Variants in AURKA observed in about 807,000 individuals in gnomAD.
AURKA encodes aurora kinase A.
Under a neutral mutation model 40.9 loss-of-function variants are expected in AURKA, and 12 were observed. That is an observed-to-expected ratio of 0.29 (90% confidence interval 0.19 to 0.48). The LOEUF (loss-of-function observed/expected upper bound fraction) is 0.48. AURKA is among the 20% of genes least tolerant of loss of function. The pLI is 0.99. For missense variants in AURKA, 322 were observed against 462.1 expected (o/e 0.70, Z 2.78); for synonymous variants, 170 against 164.3 (o/e 1.03, Z -0.26).
intron 8 of AURKA, 60 bp from the exon 9 acceptor site, chr20:56,370,400 A>G (rs2146123198): frequency 1.2e-6 from 2 of 1,613,648 alleles, no homozygotes; most frequent in Non-Finnish European, 1.7e-6. Context: ...CAAATAGTAT[A>G]GATGTTCGGA....
At chr20:56,379,347 G>A (rs1369220216) in intron 6 of AURKA, among the ~76,000 whole-genome samples, 1 of 152,192 alleles carries the variant, frequency 6.6e-6, no homozygotes, top group Non-Finnish European at 1.5e-5. Context: ...GAGTTTACAG[G>A]TAAACAGGAG....
intron 6 of AURKA, among the ~76,000 whole-genome samples, chr20:56,378,075 G>A (rs1985164339): frequency 6.6e-6 from 1 of 152,158 alleles, no homozygotes; most frequent in African/African-American, 2.4e-5. Context: ...GCTGAGATGG[G>A]AGGATTGCTT....
intron 6 of AURKA, among the ~76,000 whole-genome samples, chr20:56,376,687 A>C (rs1366785659): frequency 6.6e-6 from 1 of 152,256 alleles, no homozygotes; most frequent in Admixed American, 6.5e-5. Flanking sequence ...AAGACTCTTC[A>C]ACTTCTTAAA....
intron 6 of AURKA, among the ~76,000 whole-genome samples, chr20:56,377,613 C>T (rs963372706): frequency 3.9e-5 from 6 of 152,066 alleles, no homozygotes; most frequent in Admixed American, 3.3e-4. Context: ...ATGGCGAAAC[C>T]CCATCTCTAC....
intron 6 of AURKA, among the ~76,000 whole-genome samples, chr20:56,374,380 T>G (rs1984656578): frequency 1.3e-5 from 2 of 152,212 alleles, no homozygotes; most frequent in African/African-American, 4.8e-5. Context: ...TCAATTCCCT[T>G]TTTTAAAACC....
rs186462804 is a variant in AURKA at position 56,379,087 on chromosome 20, T to G, written c.705+2346A>C. On this transcript the variant is annotated intron_variant, in intron 6 of 8. Coordinates refer to ENST00000395915, the MANE Select transcript of AURKA (RefSeq NM_198437.3). ...GCAGATTGTGACAAAAAAATCTCAT[T>G]GCATTACAAATGTAGGAAACCACCT... Among the ~76,000 whole-genome samples, 5 of 152,314 alleles carry G rather than the reference T, an allele frequency of 3.3e-5. 1 individual carries two copies. The highest frequency in any genetic ancestry group is 1.2e-4 in the African/African-American group (5 of 41,572).
Position 56,373,362 on chromosome 20 carries a change from C to T in AURKA, c.854+46G>A. On this transcript the variant is annotated intron_variant, in intron 7 of 8. Coordinates refer to ENST00000395915, the MANE Select transcript of AURKA (RefSeq NM_198437.3). The surrounding 1 kb of genome is among the most constrained non-coding windows in gnomAD (Gnocchi z 5.0). ...TTACATTTAGCTCACGGTTAGCTCC[C>T]AGGGCTTTGGTAAACCAAACAACTT... 1 of 1,612,244 alleles carries T rather than the reference C, an allele frequency of 6.2e-7. No individual in the cohort carries two copies. Among genetic ancestry groups the T allele is most frequent in the Non-Finnish European group, 8.5e-7 (1 of 1,179,884 alleles).
rs1435168993 is a variant in AURKA at position 56,373,069 on chromosome 20, G to C, written c.854+339C>G. On this transcript the variant is annotated intron_variant, in intron 7 of 8. Transcript: ENST00000395915. The surrounding 1 kb of genome is among the most constrained non-coding windows in gnomAD (Gnocchi z 5.0). Reference sequence around the variant, plus strand: ...CCATCTCCTCATCCAGGAAGCAGCAGAGGTGAAGAGTTCCTCCCACTCAAC... The same window carrying C: ...CCATCTCCTCATCCAGGAAGCAGCACAGGTGAAGAGTTCCTCCCACTCAAC... Among the ~76,000 whole-genome samples the C allele has an allele frequency of 6.6e-6, 1 of 152,208 alleles. No homozygotes were observed. The highest frequency in any genetic ancestry group is 1.9e-4 in the East Asian group (1 of 5,200).
chr20:56,386,915 ATACGTT>A (rs1419215038), intron 2 of AURKA, among the ~76,000 whole-genome samples: 3 of 149,614 alleles, frequency 2.0e-5, no homozygotes, highest in Non-Finnish European at 4.4e-5. Flanking sequence ...CTTTGATAAT[ATACGTT>A]TAAGAAAAAG....
At chr20:56,377,423 CAA>C (rs747877845) in intron 6 of AURKA, among the ~76,000 whole-genome samples, 2 of 144,288 alleles carry the variant, frequency 1.4e-5, no homozygotes, top group African/African-American at 2.5e-5. Flanking sequence ...ACTCAAAACT[CAA>C]AAAAAAAAAG....
At chr20:56,382,692 C>T (rs1191239319) in intron 5 of AURKA, among the ~76,000 whole-genome samples, 1 of 150,810 alleles carries the variant, frequency 6.6e-6, no homozygotes, top group Non-Finnish European at 1.5e-5. Flanking sequence ...CTATGAAAAG[C>T]AGGCCCTCTA....
rs140575812 is a variant in AURKA, at chr20:56,376,950, C to T, written c.706-3394G>A. ...CAAAAATTAGCTGGGCGTGGTGGCT[C>T]ATGCCTGTAATCCCAGCTACTCAGG... On this transcript the variant is annotated intron_variant, in intron 6 of 8. Coordinates refer to ENST00000395915, the MANE Select transcript of AURKA (RefSeq NM_198437.3). Among the ~76,000 whole-genome samples the T allele has an allele frequency of 4.5e-3, 692 of 152,152 alleles. 7 individuals are homozygous for T. Among genetic ancestry groups the T allele is most frequent in the African/African-American group, 0.015 (642 of 41,492 alleles).
intron 5 of AURKA, 132 bp from the exon 6 acceptor site, chr20:56,381,703 A>C (rs542222428): frequency 9.1e-7 from 1 of 1,103,790 alleles, no homozygotes; most frequent in South Asian, 1.4e-5. Context: ...CCCACTTTAG[A>C]ATCTGAAACT....
chr20:56,383,689 C>A (rs535994331), intron 4 of AURKA, among the ~76,000 whole-genome samples: 109 of 152,302 alleles, frequency 7.2e-4, no homozygotes, highest in African/African-American at 2.5e-3. Flanking sequence ...GGCATGAGAA[C>A]CAGTGGATTT....
chr20:56,391,114 A>G (rs748485782), intron 1 of AURKA, among the ~76,000 whole-genome samples: 7 of 152,230 alleles, frequency 4.6e-5, no homozygotes, highest in Non-Finnish European at 1.0e-4. Context: ...GGATCCATTC[A>G]GTTCAAACCA....
intron 1 of AURKA, chr20:56,388,606 G>A (rs370732732): frequency 4.5e-6 from 1 of 222,364 alleles, no homozygotes; most frequent in South Asian, 8.8e-5. Flanking sequence ...GAGGTCAAGA[G>A]TTCGAGACCA....
intron 1 of AURKA, among the ~76,000 whole-genome samples, chr20:56,390,985 T>C (rs891923616): frequency 1.2e-4 from 19 of 152,064 alleles, no homozygotes; most frequent in African/African-American, 4.6e-4. Context: ...CTAGGGAAAT[T>C]GAATAACAAG....
chr20:56,388,312 C>T (rs976776668), intron 1 of AURKA, 110 bp from the exon 2 acceptor site: 32 of 947,650 alleles, frequency 3.4e-5, no homozygotes, highest in African/African-American at 1.5e-4. Flanking sequence ...CACAACACAC[C>T]GGATTTTACA....
intron 1 of AURKA, among the ~76,000 whole-genome samples, chr20:56,390,073 C>T (rs528968015): frequency 1.3e-5 from 2 of 152,282 alleles, no homozygotes; most frequent in South Asian, 2.1e-4. Context: ...TGGCTCCCAA[C>T]TCAATCAAAA....
Sources: gnomAD v4.1 joint callset for allele counts (sites outside exome capture counted in the v4.1 genomes callset) on GRCh38, gnomAD v4.1.1 for gene constraint, Gnocchi (gnomAD v3.1) non-coding constraint, MANE v1.5 for transcripts, NCBI Gene and HGNC (gene_info 2026-07-23, HGNC 2026-07-21) for gene names.